The following DKKL1 variants were observed in gnomAD, a reference collection of about 807,000 sequenced individuals.
DKKL1 encodes the protein dickkopf-like protein 1.
DKKL1 carries 11 observed loss-of-function variants against 16.5 expected under a neutral mutation model. That is an observed-to-expected ratio of 0.67 (90% CI 0.42 to 1.10). DKKL1 has a LOEUF of 1.10. Among genes scored for constraint, DKKL1 ranks in the 50% least tolerant of loss-of-function variants. The pLI is 0.00. For synonymous variants in DKKL1, 119 were observed against 133.2 expected, an observed-to-expected ratio of 0.89 and a Z score of 0.73; for missense variants, 320 against 308.1, an observed-to-expected ratio of 1.04 and a Z score of -0.29.
rs1306705804 is a variant in DKKL1 at position 49,374,821 on chromosome 19, G to C, written c.522G>C (p.Leu174=). 1.9e-6 allele frequency: 3 copies of C among 1,613,432 alleles called. No individual in the cohort carries two copies. The East Asian group carries it at 6.7e-5, about 36-fold the overall frequency. ...HPRVAFWIIK[L]PRRRSHQDAL... ...GGGTGGCCTTCTGGATCATTAAGCT[G>C]CCACGGCGGAGGTCCCACCAGGATG... The change falls in exon 5 of 5, where the codon CTG becomes CTC. Residue 174 remains leucine, a synonymous_variant. Coordinates refer to ENST00000221498, the MANE Select transcript of DKKL1 (RefSeq NM_014419.4).
At chr19:49,363,835 G>C, upstream of DKKL1, 1 of 1,001,728 alleles carries the variant, frequency 1.0e-6, no homozygotes, top group South Asian at 1.4e-5. Context: ...AGACAATAGG[G>C]GCGTGGCTAC....
upstream of DKKL1, chr19:49,361,328 A>ACTCAGAGAGAGGGGGACAGAGG (rs1160262587): frequency 7.0e-6 from 1 of 143,364 alleles, no homozygotes; most frequent in African/African-American, 3.0e-5. Context: ...GGGGACACAG[A>ACTCAGAGAGAGGGGGACAGAGG]CTCAGAGAGA....
chr19:49,373,617 G>A (rs1446181219), intron 4 of DKKL1, among the ~76,000 whole-genome samples: 2 of 151,716 alleles, frequency 1.3e-5, no homozygotes, highest in Non-Finnish European at 2.9e-5. Flanking sequence ...TTACATGAGC[G>A]CGCCAGCACG....
upstream of DKKL1, chr19:49,361,483 C>T: frequency 6.5e-6 from 1 of 152,690 alleles, no homozygotes; most frequent in Non-Finnish European, 1.5e-5. Flanking sequence ...GGGACAGGGG[C>T]GCCCTGCCAT....
intron 4 of DKKL1, among the ~76,000 whole-genome samples, chr19:49,366,690 G>A (rs868617241): frequency 6.9e-6 from 1 of 145,098 alleles, no homozygotes; most frequent in Non-Finnish European, 1.5e-5. Context: ...TGATTTTTGG[G>A]GTTTTTTTTG....
At chr19:49,374,552 T>C (rs1303955708) in intron 4 of DKKL1, among the ~76,000 whole-genome samples, 165 bp from the exon 5 acceptor site, 1 of 152,220 alleles carries the variant, frequency 6.6e-6, no homozygotes, top group Non-Finnish European at 1.5e-5. Context: ...CAGAGTATTT[T>C]TAATCCTTAA....
intron 4 of DKKL1, chr19:49,369,375 A>C (rs548752128): frequency 6.6e-6 from 1 of 151,994 alleles, no homozygotes; most frequent in East Asian, 1.9e-4. Context: ...AGGTTTTGCT[A>C]TGTTGGCCAG....
chr19:49,361,447 G>A (rs565802265), upstream of DKKL1: 1 of 153,150 alleles, frequency 6.5e-6, no homozygotes, highest in East Asian at 1.9e-4. Context: ...CCGAGACCAG[G>A]AGAGACCCAC....
intron 4 of DKKL1, chr19:49,370,874 A>G (rs144367449): frequency 6.6e-6 from 1 of 152,348 alleles, no homozygotes; most frequent in African/African-American, 2.4e-5. Flanking sequence ...GATGCCAAGA[A>G]AAAAGATTGC....
Position 49,375,009 on chromosome 19 carries a change from G to A in DKKL1, c.710G>A (p.Arg237Lys). 1 of 1,608,382 alleles carries A rather than the reference G, an allele frequency of 6.2e-7. No homozygotes were observed. The highest frequency in any genetic ancestry group is 1.1e-5 in the South Asian group (1 of 90,316). The change falls in exon 5 of 5, where the codon AGG becomes AAG. Residue 237 changes from arginine to lysine, a missense_variant. Coordinates refer to ENST00000221498, the MANE Select transcript of DKKL1 (RefSeq NM_014419.4). ...PRKTHLLYIL[R>K]PSRQL ...AAGACCCACTTACTGTACATCCTCA[G>A]GCCCTCTCGGCAGCTGTAGGGGTGG...
intron 4 of DKKL1, among the ~76,000 whole-genome samples, chr19:49,373,062 G>C (rs976626218): frequency 6.6e-6 from 1 of 151,840 alleles, no homozygotes; most frequent in Non-Finnish European, 1.5e-5. Flanking sequence ...CCAGCACTTT[G>C]GGAGGCCAAG....
At position 49,364,599 on chromosome 19, in the gene DKKL1, G is replaced by T. The variant is rs1387054547; in HGVS notation, c.28G>T (p.Ala10Ser). The change falls in exon 2 of 5, where the codon GCA becomes TCA. Residue 10 changes from alanine to serine, a missense_variant. Physicochemically the swap from Ala to Ser is moderately conservative, Grantham distance 99. Coordinates refer to ENST00000221498, the MANE Select transcript of DKKL1 (RefSeq NM_014419.4). ...TGCCACAGCCTCCCCACCTGCCCCC[G>T]CAAGGCGGCATCTGCTGGTCCTGCT... Reference protein sequence around the residue: MGEASPPAPARRHLLVLLLL... With the variant: MGEASPPAPSRRHLLVLLLL... 12 of 1,611,726 alleles carry T rather than the reference G, an allele frequency of 7.4e-6. No homozygotes were observed. The East Asian group carries it at 2.2e-4, about 30-fold the overall frequency.
intron 4 of DKKL1, among the ~76,000 whole-genome samples, chr19:49,371,347 C>G (rs1973476125): frequency 6.6e-6 from 1 of 152,192 alleles, no homozygotes; most frequent in South Asian, 2.1e-4. Flanking sequence ...TTGCTACTCT[C>G]TCTGGACTTT....
chr19:49,364,467 C>A, intron 1 of DKKL1, 115 bp from the exon 2 acceptor site: 1 of 778,438 alleles, frequency 1.3e-6, no homozygotes. Context: ...GGGAAATGAG[C>A]GCGGTGTGGG....
At chr19:49,372,948 C>T (rs1973560738) in intron 4 of DKKL1, among the ~76,000 whole-genome samples, 1 of 152,070 alleles carries the variant, frequency 6.6e-6, no homozygotes, top group African/African-American at 2.4e-5. Context: ...TCGCGGTGAG[C>T]GAAGATAGCA....
rs956686739 is a variant in DKKL1, at chr19:49,374,897, A to G, written c.598A>G (p.Ile200Val). 6.2e-7 allele frequency: 1 copy of G among 1,614,078 alleles called. No individual in the cohort carries two copies. ...CGAGAAGCGACACCGCCTGCAGGCCATCCGGGATGGACTCCGCAAGGGGAC... is the reference window on the plus strand; with the variant it reads ...CGAGAAGCGACACCGCCTGCAGGCCGTCCGGGATGGACTCCGCAAGGGGAC... ...LSEKRHRLQA[I>V]RDGLRKGTHK... Residue 200 changes from isoleucine to valine, a missense_variant, in exon 5 of 5, where the codon ATC becomes GTC. Coordinates refer to ENST00000221498, the MANE Select transcript of DKKL1 (RefSeq NM_014419.4).
At chr19:49,373,455 G>T (rs966804399) in intron 4 of DKKL1, among the ~76,000 whole-genome samples, 1 of 152,112 alleles carries the variant, frequency 6.6e-6, no homozygotes, top group South Asian at 2.1e-4. Context: ...ATTTGGGGAG[G>T]AAACAATATG....
intron 4 of DKKL1, among the ~76,000 whole-genome samples, chr19:49,368,146 C>T (rs1973331977): frequency 6.6e-6 from 1 of 152,056 alleles, no homozygotes; most frequent in Non-Finnish European, 1.5e-5. Flanking sequence ...AACCCTGTCT[C>T]TACTAAAATA....
Position 49,364,769 on chromosome 19 carries a change from G to A in DKKL1, c.183+15G>A, listed in dbSNP as rs1189062751. On this transcript the variant is annotated intron_variant, in intron 2 of 4. Transcript: ENST00000221498. The stretch of plus-strand genomic sequence containing the variant: ...TTTTCCTGAAAGTAAGCGATGGCGG[G>A]GGGATGGGGGAAGAAGTACTGAGAA... The A allele has an allele frequency of 1.9e-6, 3 of 1,608,938 alleles. No individual in the cohort carries two copies. Among genetic ancestry groups the A allele is most frequent in the African/African-American group, 1.3e-5 (1 of 74,790 alleles).
Sources: allele counts gnomAD v4.1 joint callset (sites outside exome capture counted in the v4.1 genomes callset), GRCh38; gene constraint gnomAD v4.1.1; transcripts MANE v1.5; gene names NCBI Gene and HGNC (gene_info 2026-07-23, HGNC 2026-07-21).